Variants in RANGAP1 observed in about 807,000 individuals in gnomAD.
RANGAP1 encodes the protein ran GTPase-activating protein 1.
A neutral mutation model predicts 63.5 loss-of-function variants in RANGAP1; 38 were observed. That is an observed-to-expected ratio of 0.60 (90% CI 0.46 to 0.78). The LOEUF is 0.78. Ranked by LOEUF, RANGAP1 falls within the 30% of genes least tolerant of loss-of-function variation. RANGAP1 has a pLI of 0.00. For synonymous variants in RANGAP1, 329 were observed against 310.5 expected, an observed-to-expected ratio of 1.06 and a Z score of -0.63; for missense variants, 630 against 740.3, an observed-to-expected ratio of 0.85 and a Z score of 1.73.
chr22:41,294,764 C>T, the RANGAP1 span, among the ~76,000 whole-genome samples: 1 of 133,926 alleles, frequency 7.5e-6, no homozygotes, highest in Non-Finnish European at 1.6e-5. Flanking sequence ...AGTGAGGAGC[C>T]CCTCCGCCCG....
rs571159481 is a variant in RANGAP1, at chr22:41,281,668, T to G, written c.-38-586A>C. ...CAGGCCACAATGGCCCCTCAGGGGT[T>G]TCTAGATCAGAGATCGCCACATCAC... On this transcript the variant is annotated intron_variant, in intron 1 of 15. Coordinates refer to ENST00000356244, the MANE Select transcript of RANGAP1 (RefSeq NM_002883.4). 2.0e-5 allele frequency: 20 copies of G among 984,518 alleles called. No individual in the cohort carries two copies. In the African/African-American group the frequency reaches 3.5e-4, roughly 17 times the overall value. 61.0% of individuals were successfully genotyped at this position (984,518 alleles called of 1,614,324 possible).
Position 41,256,746 on chromosome 22 carries a change from CA to C in RANGAP1, c.852del (p.Ile284MetfsTer12). 6.2e-7 allele frequency: 1 copy of C among 1,614,110 alleles called. No individual in the cohort carries two copies. The highest frequency in any genetic ancestry group is 1.3e-5 in the African/African-American group (1 of 75,054). On this transcript the variant is annotated frameshift_variant, in exon 8 of 16. Coordinates refer to ENST00000356244, the MANE Select transcript of RANGAP1 (RefSeq NM_002883.4). LOFTEE classifies it high-confidence loss of function. ...CLVRSKGAVAIADAIRGGLPK... is the reference protein window; with the variant it reads ...CLVRSKGAVAXADAIRGGLPK... ...GGCAGGCCGCCGCGGATGGCATCTG[CA>C]ATGGCAACTGCACCCTTGGAGCGCA...
At position 41,252,937 on chromosome 22, in the gene RANGAP1, C is replaced by T; in HGVS notation, c.1315G>A (p.Ala439Thr). Residue 439 changes from alanine to threonine, a missense_variant, in exon 12 of 16, where the codon GCT becomes ACT. By Grantham distance (58) the Ala-to-Thr change is moderately conservative. Around this residue, in one of 3 missense-constraint regions of RANGAP1, gnomAD observed 428 missense variants for 465.5 expected, o/e 0.92. Coordinates refer to ENST00000356244, the MANE Select transcript of RANGAP1 (RefSeq NM_002883.4). Reference protein sequence around the residue: ...PPPADVSTFLAFPSPEKLLRL... With the variant: ...PPPADVSTFLTFPSPEKLLRL... The stretch of plus-strand genomic sequence containing the variant: ...AGCAGCTTCTCTGGAGAGGGAAAAG[C>T]CAGGAAGGTGGAGACGTCTGCAGGA... The T allele has an allele frequency of 6.4e-7, 1 of 1,555,652 alleles. No individual in the cohort carries two copies. Among genetic ancestry groups the T allele is most frequent in the Non-Finnish European group, 8.7e-7 (1 of 1,153,946 alleles).
the RANGAP1 span, among the ~76,000 whole-genome samples, chr22:41,294,742 C>T: frequency 2.2e-5 from 3 of 139,128 alleles, no homozygotes; most frequent in African/African-American, 5.4e-5. Flanking sequence ...TGCCCGGCCG[C>T]CCCATCTGAG....
intron 15 of RANGAP1, among the ~76,000 whole-genome samples, chr22:41,248,760 A>G (rs2033227326): frequency 6.6e-6 from 1 of 152,136 alleles, no homozygotes; most frequent in South Asian, 2.1e-4. Context: ...GACTGTGCCC[A>G]TCACCCCATC....
chr22:41,287,572 G>A (rs971530350), upstream of RANGAP1, among the ~76,000 whole-genome samples: 1 of 151,958 alleles, frequency 6.6e-6, no homozygotes, highest in Non-Finnish European at 1.5e-5. Context: ...TGAGGCAGGA[G>A]GATCTGGAGC....
chr22:41,286,571 C>A (rs574274795), upstream of RANGAP1, among the ~76,000 whole-genome samples: 19 of 152,360 alleles, frequency 1.2e-4, no homozygotes, highest in Non-Finnish European at 1.9e-4. Context: ...CTGCTGGCTG[C>A]TGGGTCTCTT....
intron 2 of RANGAP1, chr22:41,277,382 G>C: frequency 9.7e-7 from 1 of 1,027,768 alleles, no homozygotes; most frequent in Non-Finnish European, 1.3e-6. Context: ...CCGGCCGAAA[G>C]TGAGGATATA....
At chr22:41,296,498 T>G in the RANGAP1 span, among the ~76,000 whole-genome samples, 1 of 151,830 alleles carries the variant, frequency 6.6e-6, no homozygotes. Context: ...AATATAAAAA[T>G]TAGCCGGGTG....
At chr22:41,295,150 G>A in the RANGAP1 span, among the ~76,000 whole-genome samples, 6 of 136,344 alleles carry the variant, frequency 4.4e-5, no homozygotes, top group African/African-American at 2.0e-4. Flanking sequence ...CGCCCCTACT[G>A]GGAAGTGAGG....
upstream of RANGAP1, among the ~76,000 whole-genome samples, chr22:41,289,712 GT>G (rs776473364): frequency 6.6e-6 from 1 of 152,214 alleles, no homozygotes; most frequent in Non-Finnish European, 1.5e-5. Context: ...TCTCTTTCAA[GT>G]TATCACCTGA....
Position 41,246,526 on chromosome 22 carries a change from C to G in RANGAP1, c.*77G>C, listed in dbSNP as rs1186102399. The stretch of plus-strand genomic sequence containing the variant: ...GCCAGAGTCCTGTCCAAGGCAATGG[C>G]GTAGGCTGCGCCTCAGTTCATCCGA... On this transcript the variant is annotated 3_prime_UTR_variant, in exon 16 of 16. Coordinates refer to ENST00000356244, the MANE Select transcript of RANGAP1 (RefSeq NM_002883.4). The G allele has an allele frequency of 2.8e-6, 4 of 1,435,332 alleles. No homozygotes were observed. The South Asian group carries it at 3.7e-5, about 13-fold the overall frequency. The allele number at this position is 1,435,332 out of a possible 1,614,324, so 88.9% of individuals were successfully genotyped here.
At chr22:41,299,258 G>A in the RANGAP1 span, among the ~76,000 whole-genome samples, 2 of 151,578 alleles carry the variant, frequency 1.3e-5, no homozygotes, top group Non-Finnish European at 2.9e-5. Flanking sequence ...TCAGCCTCCC[G>A]AGTAGCTGGG....
At position 41,249,303 on chromosome 22, in the gene RANGAP1, C is replaced by T. The variant is rs375396514; in HGVS notation, c.1694+27G>A. The T allele has an allele frequency of 7.0e-4, 1,102 of 1,567,066 alleles. 4 individuals are homozygous for T. The highest frequency in any genetic ancestry group is 6.2e-3 in the South Asian group (518 of 83,172). On this transcript the variant is annotated intron_variant, in intron 15 of 15. Coordinates refer to ENST00000356244, the MANE Select transcript of RANGAP1 (RefSeq NM_002883.4). Reference sequence around the variant, plus strand: ...CCAGAGAAGCCCGAGAGGGCAGGCACCGGCAGAAGGACAAGGCCACACTCA... The same window carrying T: ...CCAGAGAAGCCCGAGAGGGCAGGCATCGGCAGAAGGACAAGGCCACACTCA...
chr22:41,260,818 G>A lies in RANGAP1; in HGVS notation c.615+628C>T, dbSNP rs6002302. Among the ~76,000 whole-genome samples the A allele has an allele frequency of 7.7e-4, 117 of 152,244 alleles. No homozygotes were observed. In the Middle Eastern group the frequency reaches 0.01, roughly 13 times the overall value. On this transcript the variant is annotated intron_variant, in intron 6 of 15. Transcript: ENST00000356244. Reference sequence around the variant, plus strand: ...AAGATCACGCACTGCACTCCAGCATGGGTGACAGAATGAGACTCTGCCTCA... The same window carrying A: ...AAGATCACGCACTGCACTCCAGCATAGGTGACAGAATGAGACTCTGCCTCA...
At chr22:41,246,948 G>C (rs1330979883) in intron 15 of RANGAP1, among the ~76,000 whole-genome samples, 1 of 152,222 alleles carries the variant, frequency 6.6e-6, no homozygotes, top group African/African-American at 2.4e-5. Context: ...CATAGGCCAG[G>C]GAATCCTTAC....
chr22:41,272,764 T>C (rs1433920354), intron 3 of RANGAP1, among the ~76,000 whole-genome samples: 2 of 152,132 alleles, frequency 1.3e-5, no homozygotes, highest in Non-Finnish European at 2.9e-5. Flanking sequence ...TCTGCCCGCC[T>C]TGGCCTCCCA....
At chr22:41,272,340 T>C (rs926983737) in intron 3 of RANGAP1, among the ~76,000 whole-genome samples, 1 of 152,126 alleles carries the variant, frequency 6.6e-6, no homozygotes, top group Admixed American at 6.5e-5. Context: ...GTGGTTAACT[T>C]GACCATGACC....
chr22:41,278,563 G>A (rs1193672285), intron 2 of RANGAP1, among the ~76,000 whole-genome samples: 1 of 152,198 alleles, frequency 6.6e-6, no homozygotes, highest in African/African-American at 2.4e-5. Context: ...TTTCCTAAAC[G>A]GAGCTCAATG....
Sources: gnomAD v4.1 joint callset for allele counts (sites outside exome capture counted in the v4.1 genomes callset) on GRCh38, gnomAD v4.1.1 for gene constraint, gnomAD v4.1.1 regional missense constraint, MANE v1.5 for transcripts, NCBI Gene and HGNC (gene_info 2026-07-23, HGNC 2026-07-21) for gene names.